ZBED6: variants seen among roughly 807,000 people sequenced by gnomAD.
ZBED6 encodes the protein zinc finger BED-type containing 6.
Under a neutral mutation model 58.4 loss-of-function variants are expected in ZBED6, and 40 were observed. That is an observed-to-expected ratio of 0.68 (90% CI 0.53 to 0.89). The LOEUF (loss-of-function observed/expected upper bound fraction) is 0.89, where lower values mean the gene tolerates loss of function less well. Ranked by LOEUF, ZBED6 falls within the 40% of genes least tolerant of loss-of-function variation. The probability of loss-of-function intolerance (pLI) is 0.00; values close to 1 mark genes in which losing one functional copy is unlikely to be tolerated. For synonymous variants in ZBED6, 439 were observed against 350.6 expected (o/e 1.25, Z -2.82); for missense variants, 1,057 against 1,003.9 (o/e 1.05, Z -0.71).
At chr1:203,815,346 G>A (rs1451614667) in intron 1 of ZBED6, among the ~76,000 whole-genome samples, 4 of 142,360 alleles carry the variant, frequency 2.8e-5, no homozygotes, top group Admixed American at 7.2e-5. Context: ...CCCCCGTGTA[G>A]CTGGGATCAC....
chr1:203,820,466 T>TTGTGTGTGTTTGTG (rs144962991), intron 3 of ZBED6, among the ~76,000 whole-genome samples: 9 of 136,396 alleles, frequency 6.6e-5, no homozygotes, highest in Admixed American at 6.2e-4. Context: ...ATATCACAAA[T>TTGTGTGTGTTTGTG]TATGTGTGTG....
exon 1 of ZBED6, chr1:203,796,237 AAATC>A (rs1295095762): frequency 7.6e-6 from 3 of 393,726 alleles, no homozygotes; most frequent in Non-Finnish European, 1.3e-5. Flanking sequence ...CTCACTGCCT[AAATC>A]AATCAGACTG....
intron 4 of ZBED6, among the ~76,000 whole-genome samples, chr1:203,828,770 G>A (rs898412059): frequency 4.6e-5 from 7 of 152,104 alleles, no homozygotes; most frequent in African/African-American, 1.4e-4. Context: ...ATATAGCCTT[G>A]CCCATTCATT....
At chr1:203,798,408 A>G in exon 1 of ZBED6, 2 of 1,532,172 alleles carry the variant, frequency 1.3e-6, no homozygotes, top group Non-Finnish European at 1.7e-6. Flanking sequence ...GAGCCGGGGT[A>G]GGCCAGGGTC....
At chr1:203,851,577 T>C (rs746293159) in intron 16 of ZBED6, among the ~76,000 whole-genome samples, 6 of 152,102 alleles carry the variant, frequency 3.9e-5, no homozygotes, top group Non-Finnish European at 7.4e-5. Flanking sequence ...TGATCCACCT[T>C]CCTCGTCTTC....
intron 1 of ZBED6, 96 bp downstream of exon 1, chr1:203,803,112 AT>A (rs1486867847): frequency 6.6e-6 from 1 of 152,372 alleles, no homozygotes; most frequent in African/African-American, 2.4e-5. Context: ...TTAAAAGGCC[AT>A]TGTTCAGACA....
chr1:203,819,087 T>TAC (rs202070174), intron 3 of ZBED6, among the ~76,000 whole-genome samples: 152 of 41,458 alleles, frequency 3.7e-3, no homozygotes, highest in African/African-American at 5.3e-3. Context: ...AATATATATA[T>TAC]ATACACACAC....
exon 16 of ZBED6, chr1:203,851,065 C>T (rs745942363): frequency 1.7e-5 from 27 of 1,614,156 alleles, no homozygotes; most frequent in Non-Finnish European, 2.3e-5. Context: ...AGGCTGTTGT[C>T]CCGCTTGTCT....
chr1:203,829,002 A>G (rs1681420744), intron 4 of ZBED6, among the ~76,000 whole-genome samples: 1 of 152,250 alleles, frequency 6.6e-6, no homozygotes, highest in Non-Finnish European at 1.5e-5. Flanking sequence ...TTTAAAAGCC[A>G]CAGTTGCTAC....
chr1:203,847,787 A>C, intron 12 of ZBED6, 100 bp downstream of exon 12: 1 of 1,496,074 alleles, frequency 6.7e-7, no homozygotes. Flanking sequence ...ACCTTTCTTT[A>C]CTCAGATAAC....
rs1041007382 is a variant in ZBED6 at position 203,826,945 on chromosome 1, TCTTC to T, written c.*2874-1352_*2874-1349del. Among the ~76,000 whole-genome samples the T allele has an allele frequency of 4.4e-3, 668 of 152,316 alleles. 6 individuals are homozygous for T. Among genetic ancestry groups the T allele is most frequent in the African/African-American group, 0.015 (632 of 41,564 alleles). On this transcript the variant is annotated intron_variant, in intron 3 of 16. Coordinates refer to ENST00000550078, the Ensembl canonical transcript of ZBED6. ...GAAATAGAGTATTAGCAGTAATCTA[TCTTC>T]CCCTTCATCCCCTTGTTACTAACCA...
At chr1:203,838,556 CAT>C (rs1685089233) in intron 10 of ZBED6, among the ~76,000 whole-genome samples, 1 of 152,156 alleles carries the variant, frequency 6.6e-6, no homozygotes, top group African/African-American at 2.4e-5. Flanking sequence ...ATGGCTGAAA[CAT>C]AGAAATGGGC....
At chr1:203,840,183 C>T (rs988231728) in intron 10 of ZBED6, 123 bp from the exon 11 acceptor site, 3 of 862,564 alleles carry the variant, frequency 3.5e-6, no homozygotes, top group African/African-American at 3.4e-5. Context: ...AAGTGATCAG[C>T]CTGCCTTGGC....
chr1:203,803,161 T>C (rs1432478890), intron 1 of ZBED6, 145 bp downstream of exon 1: 1 of 152,194 alleles, frequency 6.6e-6, no homozygotes, highest in Non-Finnish European at 1.5e-5. Context: ...ATTTTTAGTT[T>C]TGGGATGGAA....
rs1348657019 is a variant in ZBED6, at chr1:203,851,048, C to G, written c.*4806-9C>G. 3.7e-6 allele frequency: 6 copies of G among 1,613,700 alleles called. No individual in the cohort carries two copies. In the African/African-American group the frequency reaches 5.3e-5, roughly 14 times the overall value. On this transcript the variant is annotated splice_polypyrimidine_tract_variant and intron_variant, in intron 15 of 16. Coordinates refer to ENST00000550078, the Ensembl canonical transcript of ZBED6. The stretch of plus-strand genomic sequence containing the variant: ...CTCTCACTGAATTACCTGACTCTTC[C>G]TTTTGTAGGCTGTTGTCCCGCTTGT...
chr1:203,852,209 C>G (rs1222277372), exon 17 of ZBED6: 1 of 1,613,430 alleles, frequency 6.2e-7, no homozygotes, highest in East Asian at 2.2e-5. Context: ...CCTTCCTCAT[C>G]CCAAATGAGC....
At chr1:203,834,879 G>T (rs1370665865) in intron 9 of ZBED6, among the ~76,000 whole-genome samples, 1 of 152,186 alleles carries the variant, frequency 6.6e-6, no homozygotes, top group Non-Finnish European at 1.5e-5. Context: ...CCTGCCCTCA[G>T]GTGATCCACC....
intron 11 of ZBED6, 41 bp from the exon 12 acceptor site, chr1:203,847,143 A>C (rs753093790): frequency 4.4e-6 from 7 of 1,602,844 alleles, no homozygotes; most frequent in Non-Finnish European, 6.0e-6. Context: ...GTAAGAGATG[A>C]ACTTCAAGTA....
At chr1:203,833,941 T>G in intron 9 of ZBED6, 88 bp downstream of exon 9, 1 of 1,480,644 alleles carries the variant, frequency 6.8e-7, no homozygotes, top group South Asian at 1.4e-5. Flanking sequence ...ATACAGATCT[T>G]TGTTATTGGT....
Sources: allele counts gnomAD v4.1 joint callset (sites outside exome capture counted in the v4.1 genomes callset), GRCh38; gene constraint gnomAD v4.1.1; transcripts MANE v1.5; gene names NCBI Gene and HGNC (gene_info 2026-07-23, HGNC 2026-07-21).